Variants in RMST observed in about 807,000 individuals in gnomAD.
RMST encodes rhabdomyosarcoma 2 associated transcript, also known as long intergenic non-protein coding RNA 54.
intron 11 of RMST, among the ~76,000 whole-genome samples, chr12:97,536,076 G>A (rs554219574): frequency 6.6e-6 from 1 of 151,484 alleles, no homozygotes; most frequent in South Asian, 2.1e-4. Context: ...TGGTTTCTTT[G>A]GTGTGAGCAG....
intron 10 of RMST, among the ~76,000 whole-genome samples, chr12:97,518,202 C>A (rs1301294312): frequency 1.3e-5 from 2 of 151,770 alleles, no homozygotes; most frequent in African/African-American, 4.8e-5. Flanking sequence ...TTAAGTCATT[C>A]TTAAAAAATA....
chr12:97,487,881 T>G (rs1189484270), intron 5 of RMST, among the ~76,000 whole-genome samples: 1 of 152,214 alleles, frequency 6.6e-6, no homozygotes, highest in Non-Finnish European at 1.5e-5. Context: ...ATTTGTGTCT[T>G]TCCTTGTGTT....
intron 13 of RMST, among the ~76,000 whole-genome samples, chr12:97,561,698 G>C (rs2136675754): frequency 7.4e-6 from 1 of 135,456 alleles, no homozygotes; most frequent in South Asian, 2.5e-4. Flanking sequence ...CATTCAGAGA[G>C]GATTGCTTCC....
intron 10 of RMST, among the ~76,000 whole-genome samples, chr12:97,509,123 C>A (rs546547263): frequency 6.6e-6 from 1 of 152,258 alleles, no homozygotes; most frequent in South Asian, 2.1e-4. Flanking sequence ...TACTTTGTTT[C>A]AACAGCTGTG....
chr12:97,473,967 G>A (rs1237686744), intron 5 of RMST, among the ~76,000 whole-genome samples: 1 of 152,080 alleles, frequency 6.6e-6, no homozygotes, highest in Non-Finnish European at 1.5e-5. Context: ...TTTTGTAGAT[G>A]TAGAAAAAAG....
At chr12:97,503,349 A>G (rs538134393) in intron 10 of RMST, among the ~76,000 whole-genome samples, 21 of 152,254 alleles carry the variant, frequency 1.4e-4, no homozygotes, top group African/African-American at 5.1e-4. Context: ...AACTTTGACC[A>G]CATGGAGACT....
intron 6 of RMST, chr12:97,492,694 T>C (rs1029564445): frequency 2.0e-5 from 3 of 152,232 alleles, no homozygotes; most frequent in African/African-American, 7.2e-5. Flanking sequence ...CTGATGCTTC[T>C]TGCCTGTTTT....
At chr12:97,465,382 G>A (rs1873062310) in intron 4 of RMST, among the ~76,000 whole-genome samples, 3 of 152,130 alleles carry the variant, frequency 2.0e-5, no homozygotes, top group Admixed American at 6.6e-5. Context: ...TCCTTGTCTT[G>A]TAGAACCTTG....
chr12:97,518,199 AT>A (rs756818077), intron 10 of RMST, among the ~76,000 whole-genome samples: 6 of 152,192 alleles, frequency 3.9e-5, no homozygotes, highest in Non-Finnish European at 8.8e-5. Flanking sequence ...AATTTAAGTC[AT>A]TCTTAAAAAA....
At chr12:97,531,104 TCTAA>T (rs1358466348) in intron 11 of RMST, among the ~76,000 whole-genome samples, 2 of 151,982 alleles carry the variant, frequency 1.3e-5, no homozygotes, top group African/African-American at 2.4e-5. Flanking sequence ...CTCTGTTGAG[TCTAA>T]CTAATCTTTA....
intron 11 of RMST, among the ~76,000 whole-genome samples, chr12:97,554,892 T>TCC (rs1237388787): frequency 2.0e-5 from 3 of 152,168 alleles, no homozygotes; most frequent in Non-Finnish European, 4.4e-5. Flanking sequence ...CCAGTGAGCT[T>TCC]CCAGGACATC....
rs796837414 is a variant in RMST at position 97,480,195 on chromosome 12, T to C, written n.645-12266T>C. Among the ~76,000 whole-genome samples the C allele has an allele frequency of 7.6e-4, 116 of 151,652 alleles. 1 individual carries two copies. Among genetic ancestry groups the C allele is most frequent in the African/African-American group, 2.8e-3 (115 of 41,268 alleles). ...AAGCTCTGCCTGCGGGTTCATGCCATTCTCTTGCCTCAGCCTCCCGAGTAG... is the reference window on the plus strand; with the variant it reads ...AAGCTCTGCCTGCGGGTTCATGCCACTCTCTTGCCTCAGCCTCCCGAGTAG... On this transcript the variant is annotated intron_variant and non_coding_transcript_variant, in intron 5 of 13. Transcript: ENST00000640149.
At chr12:97,532,929 C>T (rs567133984) in intron 11 of RMST, 1 of 151,832 alleles carries the variant, frequency 6.6e-6, no homozygotes, top group Non-Finnish European at 1.5e-5. Context: ...AAAGCCAGAG[C>T]TGAATTATTC....
chr12:97,543,720 A>G (rs1056885507), intron 11 of RMST, among the ~76,000 whole-genome samples: 3 of 151,870 alleles, frequency 2.0e-5, no homozygotes, highest in Admixed American at 6.6e-5. Flanking sequence ...GGGGGCTGCT[A>G]TTCTCCCTTT....
rs143055525 is a variant in RMST, at chr12:97,522,173, A to G, written n.1341-8482A>G. Among the ~76,000 whole-genome samples the G allele has an allele frequency of 6.3e-3, 962 of 152,310 alleles. 16 individuals carry two copies. The highest frequency in any genetic ancestry group is 0.021 in the African/African-American group (887 of 41,572). ...TTGTTAAAACATGTCTATTTGCTCC[A>G]TTGATATAACTCCCAGGTAAGTGCA... is the stretch of plus-strand genomic sequence containing the variant. On this transcript the variant is annotated intron_variant and non_coding_transcript_variant, in intron 10 of 13. Transcript: ENST00000640149.
At chr12:97,561,803 A>G (rs1359168191) in intron 13 of RMST, among the ~76,000 whole-genome samples, 1 of 151,842 alleles carries the variant, frequency 6.6e-6, no homozygotes, top group African/African-American at 2.4e-5. Context: ...ATATTTTACC[A>G]TTTCAAAAGC....
chr12:97,464,843 G>A (rs1872987129), intron 4 of RMST: 1 of 152,242 alleles, frequency 6.6e-6, no homozygotes, highest in Admixed American at 6.5e-5. Flanking sequence ...AAATGGTGCC[G>A]AGCAATTCAT....
At chr12:97,495,569 C>T (rs1056698246) in intron 9 of RMST, among the ~76,000 whole-genome samples, 1 of 152,028 alleles carries the variant, frequency 6.6e-6, no homozygotes, top group African/African-American at 2.4e-5. Flanking sequence ...AACACTGCTA[C>T]CCTGTATACT....
At chr12:97,532,332 A>G (rs1592753673) in intron 11 of RMST, among the ~76,000 whole-genome samples, 1 of 152,000 alleles carries the variant, frequency 6.6e-6, no homozygotes, top group African/African-American at 2.4e-5. Context: ...TGAATCAATG[A>G]ATCTAAATAT....
Sources: allele counts gnomAD v4.1 joint callset (sites outside exome capture counted in the v4.1 genomes callset), GRCh38; gene constraint gnomAD v4.1.1; transcripts MANE v1.5; gene names NCBI Gene and HGNC (gene_info 2026-07-23, HGNC 2026-07-21).